Variants in LOC128092252 observed in about 807,000 individuals in gnomAD.
the LOC128092252 span, among the ~76,000 whole-genome samples, chr15:50,678,239 CAAAAA>C: frequency 1.3e-3 from 118 of 92,100 alleles, 4 homozygotes; most frequent in African/African-American, 4.1e-3. Context: ...GACTCTCTCT[CAAAAA>C]AAAAAAACAA....
chr15:50,663,674 A>G, the LOC128092252 span, among the ~76,000 whole-genome samples: 1 of 152,194 alleles, frequency 6.6e-6, no homozygotes, highest in African/African-American at 2.4e-5. Flanking sequence ...GAGCCATTTA[A>G]AAGACAACTA....
At chr15:50,654,224 T>A in the LOC128092252 span, among the ~76,000 whole-genome samples, 220 of 151,810 alleles carry the variant, frequency 1.4e-3, 7 homozygotes, top group East Asian at 0.041. Flanking sequence ...GGCGGGCGGA[T>A]CACCTGAGGT....
the LOC128092252 span, among the ~76,000 whole-genome samples, chr15:50,650,319 C>A: frequency 2.0e-5 from 3 of 151,740 alleles, no homozygotes; most frequent in Non-Finnish European, 4.4e-5. Flanking sequence ...ATGTTCCCAC[C>A]AGCCAGAGTA....
the LOC128092252 span, among the ~76,000 whole-genome samples, chr15:50,655,448 C>CA: frequency 8.4e-6 from 1 of 119,726 alleles, no homozygotes; most frequent in Non-Finnish European, 1.8e-5. Flanking sequence ...AAAAAAAAAA[C>CA]AAAAAAACAA....
chr15:50,661,191 G>T, the LOC128092252 span, among the ~76,000 whole-genome samples: 1 of 151,918 alleles, frequency 6.6e-6, no homozygotes, highest in Non-Finnish European at 1.5e-5. Context: ...TGGCCAGGCT[G>T]GTCTCGAACT....
chr15:50,655,893 G>C, the LOC128092252 span, among the ~76,000 whole-genome samples: 1 of 152,044 alleles, frequency 6.6e-6, no homozygotes, highest in Non-Finnish European at 1.5e-5. Flanking sequence ...GGGAGGCTGA[G>C]GCAGGAGAAT....
the LOC128092252 span, among the ~76,000 whole-genome samples, chr15:50,671,303 T>C: frequency 6.6e-6 from 1 of 152,188 alleles, no homozygotes; most frequent in Non-Finnish European, 1.5e-5. Context: ...AGTGAGACCA[T>C]GTAGTATCTT....
At chr15:50,666,577 G>C in the LOC128092252 span, among the ~76,000 whole-genome samples, 1 of 152,160 alleles carries the variant, frequency 6.6e-6, no homozygotes, top group African/African-American at 2.4e-5. Flanking sequence ...GCTGAGGCGG[G>C]CAGATCACCT....
the LOC128092252 span, among the ~76,000 whole-genome samples, chr15:50,666,915 A>G: frequency 9.2e-5 from 14 of 152,178 alleles, no homozygotes; most frequent in Non-Finnish European, 1.3e-4. Flanking sequence ...CCTCTGGAGT[A>G]GCCATTCTTC....
chr15:50,683,054 T>G, the LOC128092252 span, among the ~76,000 whole-genome samples: 1 of 151,950 alleles, frequency 6.6e-6, no homozygotes, highest in Non-Finnish European at 1.5e-5. Context: ...AGCTAATGTT[T>G]TTTTATTTTT....
chr15:50,660,212 G>A, the LOC128092252 span, among the ~76,000 whole-genome samples: 2 of 152,244 alleles, frequency 1.3e-5, no homozygotes, highest in East Asian at 3.9e-4. Context: ...GATTGGAAGA[G>A]ATGTTAAGGT....
chr15:50,666,898 T>C, the LOC128092252 span, among the ~76,000 whole-genome samples: 4 of 152,172 alleles, frequency 2.6e-5, no homozygotes, highest in Non-Finnish European at 4.4e-5. Context: ...AATAACAGGC[T>C]GTTCTGCCTC....
chr15:50,686,218 G>A, the LOC128092252 span, among the ~76,000 whole-genome samples: 1 of 152,344 alleles, frequency 6.6e-6, no homozygotes, highest in African/African-American at 2.4e-5. Context: ...CGCTGAGGCC[G>A]CTCAGCTGAG....
chr15:50,685,707 C>T, the LOC128092252 span, among the ~76,000 whole-genome samples: 2 of 152,172 alleles, frequency 1.3e-5, no homozygotes, highest in African/African-American at 4.8e-5. Context: ...AAATGACTTT[C>T]TTAAGAAATC....
chr15:50,653,014 G>A, the LOC128092252 span, among the ~76,000 whole-genome samples: 1 of 152,102 alleles, frequency 6.6e-6, no homozygotes, highest in Non-Finnish European at 1.5e-5. Context: ...AGCCAGGCAT[G>A]GTGGCATGCA....
At chr15:50,648,937 A>G in the LOC128092252 span, 2 of 1,426,734 alleles carry the variant, frequency 1.4e-6, no homozygotes, top group Admixed American at 4.7e-5. Flanking sequence ...AGAGTTAATG[A>G]AAAAATGGAA....
At chr15:50,682,859 A>C in the LOC128092252 span, among the ~76,000 whole-genome samples, 1 of 151,904 alleles carries the variant, frequency 6.6e-6, no homozygotes, top group African/African-American at 2.4e-5. Context: ...TTATGTCCTA[A>C]ACTAACCTCA....
chr15:50,664,499 G>A, the LOC128092252 span, among the ~76,000 whole-genome samples: 1 of 152,060 alleles, frequency 6.6e-6, no homozygotes, highest in Admixed American at 6.6e-5. Flanking sequence ...AATAGGGATA[G>A]AGAAGGTTAT....
the LOC128092252 span, chr15:50,686,582 C>T: frequency 6.2e-7 from 1 of 1,606,448 alleles, no homozygotes; most frequent in Non-Finnish European, 8.5e-7. Flanking sequence ...ACCTCCTCCT[C>T]CTCCGCGGCC....
Sources: allele counts gnomAD v4.1 joint callset (sites outside exome capture counted in the v4.1 genomes callset), GRCh38; gene constraint gnomAD v4.1.1; transcripts MANE v1.5.